HMGCLL1: variants seen among roughly 807,000 people sequenced by gnomAD.
HMGCLL1 encodes the protein 3-hydroxymethyl-3-methylglutaryl-CoA lyase, cytoplasmic.
A neutral mutation model predicts 39.1 loss-of-function variants in HMGCLL1; 36 were observed. That is an observed-to-expected ratio of 0.92 (90% CI 0.71 to 1.22). The LOEUF is 1.22. Among genes scored for constraint, HMGCLL1 ranks in the 50% most tolerant of loss-of-function variants. The pLI is 0.00. For synonymous variants in HMGCLL1, 149 were observed against 144.0 expected (o/e 1.03, Z -0.25); for missense variants, 451 against 416.5 (o/e 1.08, Z -0.72).
chr6:55,626,087 A>G, the HMGCLL1 span, among the ~76,000 whole-genome samples: 1 of 152,144 alleles, frequency 6.6e-6, no homozygotes, highest in Non-Finnish European at 1.5e-5. Context: ...CCAGCAGCAG[A>G]GACCAACACT....
At chr6:55,557,654 G>T (rs188989358) in intron 1 of HMGCLL1, among the ~76,000 whole-genome samples, 84 of 152,176 alleles carry the variant, frequency 5.5e-4, no homozygotes, top group Non-Finnish European at 3.1e-4. Flanking sequence ...CTAATGTTGG[G>T]AATGTGAGCA....
the HMGCLL1 span, among the ~76,000 whole-genome samples, chr6:55,589,234 G>T: frequency 4.9e-3 from 747 of 152,314 alleles, 8 homozygotes; most frequent in African/African-American, 0.017. Flanking sequence ...TCCCTGGGAT[G>T]CAAGGCTGGT....
the HMGCLL1 span, among the ~76,000 whole-genome samples, chr6:55,585,849 A>G: frequency 1.6e-4 from 25 of 152,092 alleles, no homozygotes; most frequent in Non-Finnish European, 1.5e-5. Context: ...TAAGATTAAG[A>G]TATGCCTTCT....
At chr6:55,633,726 CACAGCAGG>C in the HMGCLL1 span, among the ~76,000 whole-genome samples, 1 of 151,912 alleles carries the variant, frequency 6.6e-6, no homozygotes, top group Admixed American at 6.6e-5. Context: ...ATTAAAATTT[CACAGCAGG>C]AATAATCATC....
At chr6:55,641,905 TATTTA>T in the HMGCLL1 span, among the ~76,000 whole-genome samples, 1 of 145,666 alleles carries the variant, frequency 6.9e-6, no homozygotes, top group East Asian at 2.0e-4. Context: ...TTTATTTATT[TATTTA>T]TTTATTTTTT....
At chr6:55,667,817 T>C in the HMGCLL1 span, among the ~76,000 whole-genome samples, 1 of 151,888 alleles carries the variant, frequency 6.6e-6, no homozygotes, top group Non-Finnish European at 1.5e-5. Flanking sequence ...TGAATGCTTT[T>C]CCTAGCATAA....
chr6:55,547,787 G>A (rs1770075465), intron 1 of HMGCLL1, among the ~76,000 whole-genome samples: 1 of 151,936 alleles, frequency 6.6e-6, no homozygotes, highest in Non-Finnish European at 1.5e-5. Context: ...GCATTTTGTG[G>A]TAATGTTAAA....
At chr6:55,539,099 G>T (rs543866957) in intron 3 of HMGCLL1, among the ~76,000 whole-genome samples, 22 of 152,242 alleles carry the variant, frequency 1.4e-4, no homozygotes, top group African/African-American at 5.3e-4. Context: ...GTGCTATATG[G>T]ACAAAGAGGC....
the HMGCLL1 span, among the ~76,000 whole-genome samples, chr6:55,651,537 C>T: frequency 5.9e-5 from 9 of 152,170 alleles, no homozygotes; most frequent in Non-Finnish European, 7.4e-5. Flanking sequence ...CTAAGAGCTG[C>T]GCTGCCTGGG....
chr6:55,663,678 G>T, the HMGCLL1 span, among the ~76,000 whole-genome samples: 1 of 151,878 alleles, frequency 6.6e-6, no homozygotes, highest in Admixed American at 6.6e-5. Flanking sequence ...CTCTGGAGAG[G>T]TCTATCAGAT....
At chr6:55,597,548 A>C in the HMGCLL1 span, among the ~76,000 whole-genome samples, 1 of 152,094 alleles carries the variant, frequency 6.6e-6, no homozygotes, top group African/African-American at 2.4e-5. Context: ...AAGAGGTTGT[A>C]AGAGCTTGGT....
chr6:55,615,671 G>A, the HMGCLL1 span, among the ~76,000 whole-genome samples: 1 of 152,086 alleles, frequency 6.6e-6, no homozygotes, highest in African/African-American at 2.4e-5. Flanking sequence ...CTGAATAATA[G>A]TATCTGGTAG....
At chr6:55,548,809 A>C (rs900286754) in intron 1 of HMGCLL1, among the ~76,000 whole-genome samples, 2 of 150,212 alleles carry the variant, frequency 1.3e-5, no homozygotes, top group Admixed American at 6.6e-5. Flanking sequence ...GAAAATGAAG[A>C]ATATTAAGTT....
the HMGCLL1 span, among the ~76,000 whole-genome samples, chr6:55,593,184 T>A: frequency 7.2e-5 from 11 of 152,108 alleles, no homozygotes; most frequent in Admixed American, 5.2e-4. Flanking sequence ...AGGAGTCAGA[T>A]TCCTGGGATC....
chr6:55,505,511 G>T (rs1767110411), intron 5 of HMGCLL1, among the ~76,000 whole-genome samples: 1 of 151,576 alleles, frequency 6.6e-6, no homozygotes, highest in Admixed American at 6.6e-5. Flanking sequence ...AGCCTGTAAT[G>T]CATTTATTAT....
intron 7 of HMGCLL1, among the ~76,000 whole-genome samples, chr6:55,482,642 T>C (rs1281614403): frequency 1.3e-5 from 2 of 152,144 alleles, no homozygotes; most frequent in Non-Finnish European, 2.9e-5. Flanking sequence ...GAAGCAAATG[T>C]TTCCTTTAAG....
the HMGCLL1 span, among the ~76,000 whole-genome samples, chr6:55,587,434 G>A: frequency 0.51 from 77,281 of 151,650 alleles, 20,020 homozygotes; most frequent in South Asian, 0.61. Flanking sequence ...ACATGGAAAC[G>A]AACAACCGGA....
At chr6:55,555,505 C>T (rs1770606546) in intron 1 of HMGCLL1, among the ~76,000 whole-genome samples, 1 of 152,188 alleles carries the variant, frequency 6.6e-6, no homozygotes, top group Non-Finnish European at 1.5e-5. Context: ...TTTGAGGGCG[C>T]TTCATTTTGT....
At chr6:55,473,134 T>C (rs1265714353) in intron 7 of HMGCLL1, among the ~76,000 whole-genome samples, 2 of 151,386 alleles carry the variant, frequency 1.3e-5, no homozygotes, top group African/African-American at 4.8e-5. Context: ...TACCTGAGTA[T>C]ATTAAATATT....
Sources: allele counts gnomAD v4.1 joint callset (sites outside exome capture counted in the v4.1 genomes callset), GRCh38; gene constraint gnomAD v4.1.1; transcripts MANE v1.5; gene names NCBI Gene and HGNC (gene_info 2026-07-23, HGNC 2026-07-21).